The following CRIP3 variants were observed in gnomAD, a reference collection of about 807,000 sequenced individuals.
The protein encoded by CRIP3 is cysteine-rich protein 3.
A neutral mutation model predicts 30.3 loss-of-function variants in CRIP3; 23 were observed. The ratio of observed to expected loss-of-function variants is 0.76; its 90% CI spans 0.55 to 1.08. The LOEUF (loss-of-function observed/expected upper bound fraction) is 1.08. Among genes scored for constraint, CRIP3 ranks in the 50% least tolerant of loss-of-function variants. The pLI is 0.00. For missense variants in CRIP3, 261 were observed against 259.3 expected (o/e 1.01, Z -0.04); for synonymous variants, 89 against 97.6 (o/e 0.91, Z 0.52).
In CRIP3 at chr6:43,308,368, A is replaced by C; in HGVS notation, c.85T>G (p.Cys29Gly). The C allele has an allele frequency of 6.2e-7, 1 of 1,612,918 alleles. No homozygotes were observed. Among genetic ancestry groups the C allele is most frequent in the Non-Finnish European group, 8.5e-7 (1 of 1,179,694 alleles). Residue 29 changes from cysteine to glycine, a missense_variant, in exon 2 of 8, where the codon TGC becomes GGC. Cys to Gly is a radical substitution (Grantham distance 159). Transcript: ENST00000372569. Reference sequence around the variant, plus strand: ...CTGTGGCAGCGCTCACATTTCAGGCAGAAGCGGTGCCAGTTCTTGCCCAGG... The same window carrying C: ...CTGTGGCAGCGCTCACATTTCAGGCCGAAGCGGTGCCAGTTCTTGCCCAGG... Reference protein sequence around the residue: ...SSLGKNWHRFCLKCERCHSIL... With the variant: ...SSLGKNWHRFGLKCERCHSIL...
intron 1 of CRIP3, 48 bp from the exon 2 acceptor site, chr6:43,308,457 T>C (rs776320181): frequency 9.8e-5 from 149 of 1,524,992 alleles, no homozygotes; most frequent in Admixed American, 2.1e-4. Context: ...TGTCCAAGCA[T>C]AGGGCCCCTC....
At chr6:43,306,405 C>T in intron 5 of CRIP3, 41 bp downstream of exon 5, 1 of 1,609,700 alleles carries the variant, frequency 6.2e-7, no homozygotes, top group Non-Finnish European at 8.5e-7. Context: ...CCTTGCTGCC[C>T]ACCCTGTATC....
At chr6:43,308,557 C>T in intron 1 of CRIP3, 148 bp from the exon 2 acceptor site, 1 of 909,126 alleles carries the variant, frequency 1.1e-6, no homozygotes, top group Non-Finnish European at 1.7e-6. Context: ...CATCCCGCTC[C>T]GGTTTCACAC....
At position 43,305,810 on chromosome 6, in the gene CRIP3, C is replaced by A. The variant is rs764519667; in HGVS notation, c.*4G>T. On this transcript the variant is annotated 3_prime_UTR_variant, in exon 8 of 8. Coordinates refer to ENST00000372569, the MANE Select transcript of CRIP3 (RefSeq NM_206922.3). ...GAGTTAGGGTGACCTTTTTTGTGAG[C>A]GTCTCATTTGAATTTTATCTTCACT... 4 of 1,613,920 alleles carry A rather than the reference C, an allele frequency of 2.5e-6. No individual in the cohort carries two copies. The South Asian group carries it at 4.4e-5, about 18-fold the overall frequency.
Position 43,307,839 on chromosome 6 carries a change from C to A in CRIP3, c.196G>T (p.Gly66Trp). ...ATGGCCCCTTAAGGCTGGTACTTACCCCTGGGTCCAAAGAGAGCCCCATAG... is the reference window on the plus strand; with the variant it reads ...ATGGCCCCTTAAGGCTGGTACTTACACCTGGGTCCAAAGAGAGCCCCATAG... ...PCYGALFGPR[G>W]VNIGGVGSYL... The change falls in exon 3 of 8, where the codon GGG becomes TGG. Residue 66 changes from glycine (G) to tryptophan (W), a missense_variant and splice_region_variant. By Grantham distance (184) the Gly-to-Trp change is radical. Transcript: ENST00000372569. The A allele has an allele frequency of 6.2e-7, 1 of 1,614,038 alleles. No individual in the cohort carries two copies. Among genetic ancestry groups the A allele is most frequent in the Non-Finnish European group, 8.5e-7 (1 of 1,179,988 alleles).
intron 2 of CRIP3, 137 bp from the exon 3 acceptor site, chr6:43,308,033 CTGG>C: frequency 5.3e-6 from 5 of 934,730 alleles, no homozygotes; most frequent in Non-Finnish European, 6.6e-6. Context: ...GGGGGATGGG[CTGG>C]CATGCCAGCA....
At chr6:43,306,147 G>A in intron 6 of CRIP3, 23 bp from the exon 7 acceptor site, 1 of 1,614,044 alleles carries the variant, frequency 6.2e-7, no homozygotes, top group Non-Finnish European at 8.5e-7. Flanking sequence ...GAGAAAGAGA[G>A]CTGTCTCAGC....
At chr6:43,308,252 C>CT in intron 2 of CRIP3, 63 bp downstream of exon 2, 2 of 1,403,774 alleles carry the variant, frequency 1.4e-6, no homozygotes, top group Admixed American at 4.0e-5. Context: ...AAGTTGGGGG[C>CT]TGGTGCCTGG....
intron 4 of CRIP3, chr6:43,306,814 A>G: frequency 2.9e-6 from 1 of 348,952 alleles, no homozygotes; most frequent in Admixed American, 4.4e-5. Context: ...AGGAAACTTG[A>G]GCTGATATAG....
chr6:43,307,170 C>T (rs1778957253), intron 4 of CRIP3: 3 of 126,474 alleles, frequency 2.4e-5, no homozygotes, highest in South Asian at 2.7e-4. Flanking sequence ...GATGGAGTCT[C>T]GCTCTGTTGC....
At chr6:43,308,578 G>C in intron 1 of CRIP3, 169 bp from the exon 2 acceptor site, 1 of 929,776 alleles carries the variant, frequency 1.1e-6, no homozygotes, top group South Asian at 1.5e-5. Context: ...TCCCCACAGA[G>C]CTCTCAGAGG....
intron 4 of CRIP3, chr6:43,307,354 G>A (rs1778963666): frequency 3.6e-6 from 1 of 275,022 alleles, no homozygotes; most frequent in Non-Finnish European, 6.7e-6. Flanking sequence ...TGGCCAGGCT[G>A]GTCTCGAACT....
At position 43,306,223 on chromosome 6, in the gene CRIP3, G is replaced by C. The variant is rs1181605118; in HGVS notation, c.491C>G (p.Ala164Gly). ...CHKTLTAGSH[A>G]EHDGVPYCHV... Reference sequence around the variant, plus strand: ...ACTCATTCCTGCCCTGCTCACCTCAGCATGACTCCCAGCAGTCAGGGTCTT... The same window carrying C: ...ACTCATTCCTGCCCTGCTCACCTCACCATGACTCCCAGCAGTCAGGGTCTT... Residue 164 changes from alanine to glycine, a missense_variant, in exon 6 of 8, where the codon GCT (alanine) becomes GGT (glycine). Ala to Gly is a moderately conservative substitution (Grantham distance 60). Coordinates refer to ENST00000372569, the MANE Select transcript of CRIP3 (RefSeq NM_206922.3). 6.2e-7 allele frequency: 1 copy of C among 1,614,136 alleles called. No homozygotes were observed.
intron 4 of CRIP3, 60 bp from the exon 5 acceptor site, chr6:43,306,577 T>G (rs1582561288): frequency 7.6e-7 from 1 of 1,321,930 alleles, no homozygotes; most frequent in Non-Finnish European, 1.0e-6. Flanking sequence ...AGCACCTGCC[T>G]GCATATGGTG....
At chr6:43,308,230 C>T in intron 2 of CRIP3, 85 bp downstream of exon 2, 1 of 1,220,772 alleles carries the variant, frequency 8.2e-7, no homozygotes, top group South Asian at 1.4e-5. Context: ...CTTTGGCAGG[C>T]CTCCAGTGCT....
rs1778910257 is a variant in CRIP3 at position 43,305,712 on chromosome 6, C to T, written c.*102G>A. 1 of 1,470,580 alleles carries T rather than the reference C, an allele frequency of 6.8e-7. No homozygotes were observed. The highest frequency in any genetic ancestry group is 2.3e-5 in the East Asian group (1 of 44,162). The allele number at this position is 1,470,580 out of a possible 1,614,324, so 91.1% of individuals were successfully genotyped here. On this transcript the variant is annotated 3_prime_UTR_variant, in exon 8 of 8. Coordinates refer to ENST00000372569, the MANE Select transcript of CRIP3 (RefSeq NM_206922.3). The stretch of plus-strand genomic sequence containing the variant: ...CTAGGCCCAGGCCCCCAAGATCCCA[C>T]CTTCCCCAACCCCCATGGGACTGGA...
chr6:43,308,402 C>T lies in CRIP3; in HGVS notation c.51G>A (p.Lys17=), dbSNP rs572548149. ...GCCAGTTCTTGCCCAGGGAGCTCAC[C>T]TTCTCAGCTGTGGAGGACAAAGTGG... is the stretch of plus-strand genomic sequence containing the variant. ...RCQQPVFFAE[K]VSSLGKNWHR... Residue 17 remains lysine, a synonymous_variant, in exon 2 of 8, where the codon AAG becomes AAA. Transcript: ENST00000372569. 1.9e-6 allele frequency: 3 copies of T among 1,613,070 alleles called. No homozygotes were observed. In the Admixed American group the frequency reaches 5.0e-5, roughly 27 times the overall value.
At chr6:43,307,060 C>T (rs1778951199) in intron 4 of CRIP3, 1 of 155,312 alleles carries the variant, frequency 6.4e-6, no homozygotes, top group African/African-American at 2.4e-5. Context: ...AGTCATTTGC[C>T]CTGTCTGGAT....
At chr6:43,305,947 TG>T (rs745781004) in intron 7 of CRIP3, 72 bp from the exon 8 acceptor site, 3 of 1,611,480 alleles carry the variant, frequency 1.9e-6, no homozygotes, top group African/African-American at 1.3e-5. Context: ...GGGAACTTGG[TG>T]GGGGGGCCAG....
Sources: gnomAD v4.1 joint callset for allele counts on GRCh38, gnomAD v4.1.1 for gene constraint, MANE v1.5 for transcripts, NCBI Gene and HGNC (gene_info 2026-07-23, HGNC 2026-07-21) for gene names.